The following WIPF2 variants were observed in gnomAD, a reference collection of about 807,000 sequenced individuals.
The protein encoded by WIPF2 is WAS/WASL interacting protein family member 2, also known as WAS/WASL-interacting protein family member 2.
WIPF2 carries 23 observed loss-of-function variants against 38.8 expected under a neutral mutation model. The observed-to-expected ratio is 0.59, with a 90% confidence interval of 0.43 to 0.84. The LOEUF (loss-of-function observed/expected upper bound fraction) is 0.84. WIPF2 is among the 40% of genes least tolerant of loss of function. The probability of loss-of-function intolerance (pLI) is 0.00; values close to 1 mark genes in which losing one functional copy is unlikely to be tolerated. For synonymous variants in WIPF2, 210 were observed against 223.2 expected (o/e 0.94, Z 0.53); for missense variants, 574 against 580.5 (o/e 0.99, Z 0.11).
At chr17:40,221,603 C>A (rs371592116) in intron 1 of WIPF2, among the ~76,000 whole-genome samples, 1 of 149,788 alleles carries the variant, frequency 6.7e-6, no homozygotes, top group Non-Finnish European at 1.5e-5. Flanking sequence ...TTGTTTAAGA[C>A]GGAGTCTCGC....
chr17:40,262,489 C>T (rs765324585), intron 3 of WIPF2, 36 bp from the exon 4 acceptor site: 7 of 1,536,986 alleles, frequency 4.6e-6, no homozygotes, highest in South Asian at 4.5e-5. Flanking sequence ...CAGCTGAGAG[C>T]ATGTGAAATG....
intron 5 of WIPF2, among the ~76,000 whole-genome samples, chr17:40,268,334 A>T (rs1280835432): frequency 7.2e-5 from 11 of 152,154 alleles, no homozygotes. Flanking sequence ...ATAATGAGGT[A>T]GTGCTAAGGT....
intron 1 of WIPF2, among the ~76,000 whole-genome samples, chr17:40,222,163 C>T (rs185063300): frequency 1 from 8 of 8 alleles, 4 homozygotes; most frequent in Non-Finnish European, 1. Flanking sequence ...AAGCAATTCT[C>T]CTGGCTCAGC....
intron 3 of WIPF2, 67 bp downstream of exon 3, chr17:40,260,734 G>T: frequency 6.2e-7 from 1 of 1,609,428 alleles, no homozygotes; most frequent in Non-Finnish European, 8.5e-7. Flanking sequence ...ACTTGGCTGG[G>T]TTCTTATTTT....
chr17:40,269,057 G>C (rs1020819715), intron 5 of WIPF2, among the ~76,000 whole-genome samples: 3 of 151,966 alleles, frequency 2.0e-5, no homozygotes, highest in Non-Finnish European at 4.4e-5. Flanking sequence ...AGTGGCTCAC[G>C]CCTGTAATCC....
Position 40,223,840 on chromosome 17 carries a change from C to T in WIPF2, c.-70+4348C>T, listed in dbSNP as rs2030358500. 1.3e-5 allele frequency among the ~76,000 whole-genome samples: 2 copies of T among 151,982 alleles called. 1 individual carries two copies. The highest frequency in any genetic ancestry group is 4.8e-5 in the African/African-American group (2 of 41,322). On this transcript the variant is annotated intron_variant, in intron 1 of 7. Transcript: ENST00000323571. Reference sequence around the variant, plus strand: ...GACCTTGTGATCTGCCAGTCTCGGCCTCCCAAAGTGCTGGGATTACAGGCG... The same window carrying T: ...GACCTTGTGATCTGCCAGTCTCGGCTTCCCAAAGTGCTGGGATTACAGGCG...
intron 2 of WIPF2, among the ~76,000 whole-genome samples, chr17:40,259,184 G>A (rs563064816): frequency 8.6e-5 from 13 of 151,166 alleles, no homozygotes; most frequent in African/African-American, 2.4e-4. Flanking sequence ...GGCCGGCCTC[G>A]TGCTGATTTT....
At chr17:40,262,077 C>CTTTTT (rs34246534) in intron 3 of WIPF2, among the ~76,000 whole-genome samples, 1 of 122,610 alleles carries the variant, frequency 8.2e-6, no homozygotes, top group Admixed American at 8.5e-5. Context: ...TTTCTTTTCT[C>CTTTTT]TTTTTTTTTT....
intron 1 of WIPF2, among the ~76,000 whole-genome samples, chr17:40,228,927 AC>A (rs1299752027): frequency 1.3e-5 from 2 of 151,664 alleles, no homozygotes; most frequent in African/African-American, 2.4e-5. Context: ...TCTTCCACTT[AC>A]GGTGGAAGAC....
intron 1 of WIPF2, among the ~76,000 whole-genome samples, chr17:40,249,999 A>AT (rs1488641524): frequency 2.0e-5 from 3 of 149,934 alleles, no homozygotes; most frequent in Admixed American, 6.7e-5. Context: ...TGCCTGGCTA[A>AT]TTTTTTGTAT....
At chr17:40,257,503 G>C (rs1410022918) in intron 2 of WIPF2, among the ~76,000 whole-genome samples, 1 of 151,998 alleles carries the variant, frequency 6.6e-6, no homozygotes, top group African/African-American at 2.4e-5. Context: ...TGTGATACCT[G>C]GTGTCACATG....
chr17:40,263,145 G>T (rs984583274), intron 4 of WIPF2, among the ~76,000 whole-genome samples: 3 of 152,120 alleles, frequency 2.0e-5, no homozygotes, highest in African/African-American at 7.2e-5. Flanking sequence ...GTGATCTATT[G>T]CAGCAGTCCC....
intron 1 of WIPF2, among the ~76,000 whole-genome samples, chr17:40,236,103 AG>A (rs1421874217): frequency 1.3e-5 from 2 of 151,232 alleles, no homozygotes; most frequent in East Asian, 3.9e-4. Context: ...CTGGGATTAT[AG>A]GCATCTGCCA....
intron 1 of WIPF2, among the ~76,000 whole-genome samples, chr17:40,221,343 T>C (rs1377916848): frequency 6.6e-6 from 1 of 152,212 alleles, no homozygotes; most frequent in Admixed American, 6.5e-5. Context: ...CTTTGAAATA[T>C]AGGTTTTCTC....
At chr17:40,254,681 G>A (rs898537855) in intron 1 of WIPF2, among the ~76,000 whole-genome samples, 4 of 152,086 alleles carry the variant, frequency 2.6e-5, no homozygotes, top group Non-Finnish European at 4.4e-5. Context: ...TGGCCCATAA[G>A]TCAGATCTGG....
intron 3 of WIPF2, 184 bp downstream of exon 3, chr17:40,260,851 C>A: frequency 1.2e-6 from 1 of 826,534 alleles, no homozygotes; most frequent in Non-Finnish European, 1.9e-6. Flanking sequence ...GAGAGCATCT[C>A]AGGATTAAGG....
intron 1 of WIPF2, among the ~76,000 whole-genome samples, chr17:40,234,150 CA>C (rs758864995): frequency 3.9e-5 from 6 of 152,004 alleles, no homozygotes; most frequent in African/African-American, 9.7e-5. Flanking sequence ...AGGCAGATCA[CA>C]AGGTAAGGAG....
intron 1 of WIPF2, among the ~76,000 whole-genome samples, chr17:40,254,668 C>G (rs531630725): frequency 1.3e-5 from 2 of 151,892 alleles, no homozygotes; most frequent in African/African-American, 2.4e-5. Flanking sequence ...TGTTGGTAAA[C>G]TGTGGCCCAT....
intron 6 of WIPF2, among the ~76,000 whole-genome samples, chr17:40,274,557 GAAAAAAAAAAAAAAAAAA>G (rs571085371): frequency 2.8e-4 from 7 of 24,782 alleles, no homozygotes; most frequent in African/African-American, 5.9e-4. Flanking sequence ...TGGAATTCTT[GAAAAAAAAAAAAAAAAAA>G]AAAAAAAAAA....
Sources: allele counts gnomAD v4.1 joint callset (sites outside exome capture counted in the v4.1 genomes callset), GRCh38; gene constraint gnomAD v4.1.1; transcripts MANE v1.5; gene names NCBI Gene and HGNC (gene_info 2026-07-23, HGNC 2026-07-21).